The following EDEM3 variants were observed in gnomAD, a reference collection of about 807,000 sequenced individuals.
The protein encoded by EDEM3 is ER degradation enhancing alpha-mannosidase like protein 3.
EDEM3 carries 60 observed loss-of-function variants against 110.2 expected under a neutral mutation model. The ratio of observed to expected loss-of-function variants is 0.54; its 90% CI spans 0.44 to 0.67. EDEM3 has a LOEUF of 0.67. Among genes scored for constraint, EDEM3 ranks in the 30% least tolerant of loss-of-function variants. EDEM3 has a pLI of 0.00. For missense variants in EDEM3, 996 were observed against 1,121.0 expected (o/e 0.89, Z 1.59); for synonymous variants, 352 against 382.9 (o/e 0.92, Z 0.94).
At chr1:184,739,124 T>C (rs1651991072) in intron 2 of EDEM3, among the ~76,000 whole-genome samples, 1 of 151,778 alleles carries the variant, frequency 6.6e-6, no homozygotes. Flanking sequence ...ATTGGGTTCA[T>C]TAGTTCTAAA....
intron 18 of EDEM3, 63 bp downstream of exon 18, chr1:184,706,580 A>C (rs943545634): frequency 7.1e-7 from 1 of 1,412,276 alleles, no homozygotes; most frequent in Non-Finnish European, 9.4e-7. Flanking sequence ...AGAAAATAAA[A>C]GGGAAAAAAT....
At chr1:184,716,249 T>A (rs905619488) in intron 13 of EDEM3, among the ~76,000 whole-genome samples, 1 of 152,174 alleles carries the variant, frequency 6.6e-6, no homozygotes, top group Non-Finnish European at 1.5e-5. Flanking sequence ...CAGTAAATAT[T>A]TCTGGAATGA....
chr1:184,754,703 T>A lies in EDEM3; in HGVS notation c.-57A>T. On this transcript the variant is annotated 5_prime_UTR_variant, in exon 1 of 20. Coordinates refer to ENST00000318130, the MANE Select transcript of EDEM3 (RefSeq NM_025191.4). ...ACGCCCGGCCGGTGAGACACATTGC[T>A]GGACGCTGGTGGCCAGGGGGCTGCT... 5 of 1,469,040 alleles carry A rather than the reference T, an allele frequency of 3.4e-6. No homozygotes were observed. The South Asian group carries it at 5.6e-5, about 16-fold the overall frequency. The allele number at this position is 1,469,040 out of a possible 1,614,324, so 91.0% of individuals were successfully genotyped here. A position where few individuals can be genotyped will look rare whatever the true frequency, so the allele number is the denominator to read the frequency against.
At chr1:184,716,838 TG>T (rs1558052482) in intron 13 of EDEM3, 49 bp downstream of exon 13, 7 of 1,590,686 alleles carry the variant, frequency 4.4e-6, no homozygotes, top group Non-Finnish European at 6.0e-6. Context: ...CTGCATTTTG[TG>T]TTGTTTCAGA....
intron 6 of EDEM3, among the ~76,000 whole-genome samples, chr1:184,731,613 C>T (rs1177722143): frequency 6.6e-6 from 1 of 152,194 alleles, no homozygotes; most frequent in Non-Finnish European, 1.5e-5. Context: ...CTCCCTCTGT[C>T]CTGTGAGTTC....
At chr1:184,738,491 T>C (rs1305831300) in intron 2 of EDEM3, among the ~76,000 whole-genome samples, 1 of 152,218 alleles carries the variant, frequency 6.6e-6, no homozygotes, top group Non-Finnish European at 1.5e-5. Flanking sequence ...TAAACACCTA[T>C]GTGCATGTAT....
At chr1:184,703,040 T>C in intron 18 of EDEM3, 44 bp from the exon 19 acceptor site, 1 of 1,467,058 alleles carries the variant, frequency 6.8e-7, no homozygotes, top group Non-Finnish European at 9.2e-7. Context: ...TATCCAGCCA[T>C]TAAAAAGATC....
intron 13 of EDEM3, among the ~76,000 whole-genome samples, chr1:184,716,351 T>C (rs1650545701): frequency 6.6e-6 from 1 of 152,174 alleles, no homozygotes; most frequent in African/African-American, 2.4e-5. Context: ...AGAATGCTTG[T>C]GAATTTCATG....
At chr1:184,715,642 T>G (rs911223681) in intron 13 of EDEM3, among the ~76,000 whole-genome samples, 3 of 152,180 alleles carry the variant, frequency 2.0e-5, no homozygotes, top group African/African-American at 7.2e-5. Context: ...AACTTCTCTT[T>G]CCCTTGGTTT....
Position 184,710,699 on chromosome 1 carries a change from T to G in EDEM3, c.1692-152A>C, listed in dbSNP as rs1650178376. On this transcript the variant is annotated intron_variant, in intron 15 of 19. Transcript: ENST00000318130. Reference sequence around the variant, plus strand: ...TAGAAAGTATTTTCTTACATATAATTTAGGTTAACAAGTGGTATAGCTTTC... The same window carrying G: ...TAGAAAGTATTTTCTTACATATAATGTAGGTTAACAAGTGGTATAGCTTTC... The G allele has an allele frequency of 4.2e-6, 4 of 959,474 alleles. No homozygotes were observed. The South Asian group carries it at 7.6e-5, about 18-fold the overall frequency. 59.4% of individuals were successfully genotyped at this position (959,474 alleles called of 1,614,324 possible).
rs116110663 is a variant in EDEM3, at chr1:184,740,369, T to C, written c.205-2658A>G. The stretch of plus-strand genomic sequence containing the variant: ...ACACAAGTTTCAATTACTACAAATT[T>C]GTTACACACCCAACAACATGGTTCA... On this transcript the variant is annotated intron_variant, in intron 2 of 19. Transcript: ENST00000318130. 4.2e-3 allele frequency among the ~76,000 whole-genome samples: 636 copies of C among 152,324 alleles called. 5 individuals are homozygous for C. Among genetic ancestry groups the C allele is most frequent in the East Asian group, 0.036 (185 of 5,192 alleles).
In EDEM3 at chr1:184,752,203, A is replaced by T. The variant is rs1374838238; in HGVS notation, c.158+2286T>A. ...AACCAAAAAGCTTATTCCATGAAGG[A>T]TAAGACTACATATAACCAGCTAAGT... is the stretch of plus-strand genomic sequence containing the variant. On this transcript the variant is annotated intron_variant, in intron 1 of 19. Coordinates refer to ENST00000318130, the MANE Select transcript of EDEM3 (RefSeq NM_025191.4). Among the ~76,000 whole-genome samples the T allele has an allele frequency of 2.6e-5, 4 of 152,268 alleles. No individual in the cohort carries two copies. The East Asian group carries it at 5.8e-4, about 22-fold the overall frequency.
intron 8 of EDEM3, among the ~76,000 whole-genome samples, chr1:184,723,366 G>C (rs537375712): frequency 6.6e-6 from 1 of 152,042 alleles, no homozygotes; most frequent in East Asian, 1.9e-4. Flanking sequence ...CATGACCCCA[G>C]AGTCTATGCT....
chr1:184,696,286 C>A lies in EDEM3; in HGVS notation c.2390-1814G>T, dbSNP rs577979045. ...TCCTTTACCAATCATTGTCTAAGCA[C>A]TGGACCTCTTCATTCCCTAGTATTC... On this transcript the variant is annotated intron_variant, in intron 19 of 19. Transcript: ENST00000318130. Among the ~76,000 whole-genome samples the A allele has an allele frequency of 2.0e-5, 3 of 152,062 alleles. No individual in the cohort carries two copies. The East Asian group carries it at 5.8e-4, about 29-fold the overall frequency.
intron 13 of EDEM3, among the ~76,000 whole-genome samples, chr1:184,716,603 T>C (rs1212310823): frequency 6.6e-6 from 1 of 152,168 alleles, no homozygotes; most frequent in East Asian, 1.9e-4. Context: ...AAAAGCCACA[T>C]TTTAGATAGT....
chr1:184,727,828 G>GT (rs1651274378), intron 6 of EDEM3, among the ~76,000 whole-genome samples: 1 of 152,040 alleles, frequency 6.6e-6, no homozygotes, highest in Non-Finnish European at 1.5e-5. Context: ...CTAGTTTTAG[G>GT]TAGTTCTGCA....
intron 16 of EDEM3, among the ~76,000 whole-genome samples, chr1:184,709,487 A>G (rs1571360391): frequency 6.6e-6 from 1 of 152,228 alleles, no homozygotes; most frequent in Admixed American, 6.5e-5. Flanking sequence ...GAAGTAGAAA[A>G]AGAACTTTGT....
chr1:184,754,357 A>C, intron 1 of EDEM3, 132 bp downstream of exon 1: 1 of 1,412,078 alleles, frequency 7.1e-7, no homozygotes, highest in South Asian at 1.4e-5. Flanking sequence ...CCACCCCTCT[A>C]GGGTTCTCGC....
At chr1:184,695,938 G>C (rs955654177) in intron 19 of EDEM3, among the ~76,000 whole-genome samples, 3 of 151,928 alleles carry the variant, frequency 2.0e-5, no homozygotes. Flanking sequence ...TTGGAAAACT[G>C]AAAGGTCTCA....
Sources: allele counts gnomAD v4.1 joint callset (sites outside exome capture counted in the v4.1 genomes callset), GRCh38; gene constraint gnomAD v4.1.1; transcripts MANE v1.5; gene names NCBI Gene and HGNC (gene_info 2026-07-23, HGNC 2026-07-21).